EVA1C: variants seen among roughly 807,000 people sequenced by gnomAD.
EVA1C encodes the protein protein eva-1 homolog C.
Under a neutral mutation model 45.4 loss-of-function variants are expected in EVA1C, and 25 were observed. The observed-to-expected ratio is 0.55, with a 90% CI of 0.40 to 0.77. The LOEUF is 0.77. Among genes scored for constraint, EVA1C ranks in the 30% least tolerant of loss-of-function variants. The pLI is 0.00. For missense variants in EVA1C, 479 were observed against 554.8 expected (o/e 0.86, Z 1.37); for synonymous variants, 190 against 221.2 (o/e 0.86, Z 1.25).
intron 4 of EVA1C, among the ~76,000 whole-genome samples, chr21:32,483,949 T>C (rs1388036941): frequency 4.1e-5 from 6 of 146,456 alleles, no homozygotes; most frequent in African/African-American, 1.0e-4. Flanking sequence ...TATGATAATG[T>C]TCCTCACTGT....
intron 2 of EVA1C, among the ~76,000 whole-genome samples, chr21:32,455,609 G>T (rs547936024): frequency 2.6e-5 from 4 of 152,220 alleles, no homozygotes; most frequent in Admixed American, 1.3e-4. Context: ...GCCCTCCTGG[G>T]TGCATGAAAG....
intron 3 of EVA1C, among the ~76,000 whole-genome samples, chr21:32,458,441 C>T (rs1420828928): frequency 2.7e-5 from 4 of 150,510 alleles, no homozygotes; most frequent in African/African-American, 7.4e-5. Context: ...TGCAAAGAAA[C>T]GATAGCAGTG....
chr21:32,431,363 T>TG (rs2146159691), intron 1 of EVA1C, among the ~76,000 whole-genome samples: 2 of 152,326 alleles, frequency 1.3e-5, no homozygotes, highest in Middle Eastern at 6.8e-3. Flanking sequence ...CAAGCAGACA[T>TG]GGGGGGCTCA....
chr21:32,495,734 C>T (rs190115361), intron 5 of EVA1C, among the ~76,000 whole-genome samples: 10 of 152,306 alleles, frequency 6.6e-5, no homozygotes, highest in Admixed American at 3.9e-4. Flanking sequence ...AATGAAATGC[C>T]TTCTTCGTTT....
At chr21:32,456,334 A>C (rs2035782726) in intron 2 of EVA1C, among the ~76,000 whole-genome samples, 1 of 152,074 alleles carries the variant, frequency 6.6e-6, no homozygotes, top group East Asian at 1.9e-4. Context: ...CCCTCTCTGC[A>C]TTTTCCAGCT....
At chr21:32,476,991 C>T (rs368848172) in intron 4 of EVA1C, among the ~76,000 whole-genome samples, 30 of 152,254 alleles carry the variant, frequency 2.0e-4, no homozygotes, top group African/African-American at 7.2e-4. Flanking sequence ...CCACACACCC[C>T]ACTCTGCTAT....
intron 4 of EVA1C, among the ~76,000 whole-genome samples, chr21:32,469,139 G>A (rs2146307216): frequency 6.6e-6 from 1 of 152,302 alleles, no homozygotes; most frequent in South Asian, 2.1e-4. Flanking sequence ...AGTCATCAAT[G>A]GCACAACACA....
At chr21:32,422,193 A>G (rs947523752) in intron 1 of EVA1C, among the ~76,000 whole-genome samples, 1 of 152,200 alleles carries the variant, frequency 6.6e-6, no homozygotes, top group Admixed American at 6.5e-5. Context: ...ATATTCATTG[A>G]CATGAAAAGC....
chr21:32,484,625 T>C (rs1304070597), intron 4 of EVA1C, among the ~76,000 whole-genome samples: 9 of 152,202 alleles, frequency 5.9e-5, no homozygotes, highest in African/African-American at 1.9e-4. Context: ...TCTGTCAACC[T>C]TTTAAGTTAC....
chr21:32,472,587 G>A (rs1336459864), intron 4 of EVA1C, among the ~76,000 whole-genome samples: 1 of 151,942 alleles, frequency 6.6e-6, no homozygotes, highest in Non-Finnish European at 1.5e-5. Context: ...AGTGAGCTAT[G>A]ATCGCACCTC....
chr21:32,444,985 A>G (rs1025699553), intron 1 of EVA1C, among the ~76,000 whole-genome samples: 1 of 152,026 alleles, frequency 6.6e-6, no homozygotes, highest in East Asian at 1.9e-4. Flanking sequence ...ATTCTGGTAT[A>G]AATCAATGAA....
In EVA1C at chr21:32,464,183, A is replaced by G. The variant is rs148921799; in HGVS notation, c.482-3513A>G. Among the ~76,000 whole-genome samples, 1,496 of 152,352 alleles carry G rather than the reference A, an allele frequency of 9.8e-3. 26 individuals are homozygous for G. The highest frequency in any genetic ancestry group is 0.034 in the African/African-American group (1,431 of 41,576). On this transcript the variant is annotated intron_variant, in intron 3 of 7. Transcript: ENST00000300255. ...CAAAACTTGCCTTGGCTCTAAGTTT[A>G]AGCTGTTGAATTAAGATTCCAGTGA...
chr21:32,445,709 T>A (rs1345820632), intron 1 of EVA1C, among the ~76,000 whole-genome samples: 1 of 152,208 alleles, frequency 6.6e-6, no homozygotes, highest in Non-Finnish European at 1.5e-5. Flanking sequence ...TCTTAGGGGT[T>A]CATGTCGTGA....
chr21:32,483,028 AT>A (rs892909164), intron 4 of EVA1C, among the ~76,000 whole-genome samples: 1 of 152,208 alleles, frequency 6.6e-6, no homozygotes, highest in East Asian at 1.9e-4. Flanking sequence ...GCTACTTTTA[AT>A]TTTGTTTTCA....
At chr21:32,488,511 G>T (rs1193971523) in intron 4 of EVA1C, among the ~76,000 whole-genome samples, 2 of 151,708 alleles carry the variant, frequency 1.3e-5, no homozygotes. Flanking sequence ...GGTGTGAGAT[G>T]GTATCTTGTT....
chr21:32,457,861 T>A, intron 3 of EVA1C, 141 bp downstream of exon 3: 1 of 897,046 alleles, frequency 1.1e-6, no homozygotes, highest in Non-Finnish European at 1.7e-6. Flanking sequence ...TCCTACCCAG[T>A]TTTTTAGAGA....
Position 32,495,121 on chromosome 21 carries a change from C to A in EVA1C, c.729C>A (p.Ser243Arg). The stretch of plus-strand genomic sequence containing the variant: ...TCGTCAACAATCACCATTTTGGAAG[C>A]CCCTGTTTGCCAGGCGTGAAAAAAT... ...KIIVNNHHFGSPCLPGVKKYL... is the reference protein window; with the variant it reads ...KIIVNNHHFGRPCLPGVKKYL... The change falls in exon 5 of 8, where the codon AGC (serine) becomes AGA (arginine). Residue 243 changes from serine (S) to arginine (R), a missense_variant. Ser to Arg is a moderately radical substitution (Grantham distance 110). This residue lies in a region of EVA1C where 366 missense variants were observed against 426.1 expected (regional missense o/e 0.86). Transcript: ENST00000300255. The A allele has an allele frequency of 1.2e-6, 2 of 1,614,066 alleles. No individual in the cohort carries two copies. The highest frequency in any genetic ancestry group is 1.7e-6 in the Non-Finnish European group (2 of 1,180,012).
At chr21:32,426,328 T>C (rs1568864480) in intron 1 of EVA1C, among the ~76,000 whole-genome samples, 2 of 152,196 alleles carry the variant, frequency 1.3e-5, no homozygotes, top group Non-Finnish European at 2.9e-5. Context: ...ACATCTCAAT[T>C]ATTTCAAAAT....
intron 3 of EVA1C, among the ~76,000 whole-genome samples, chr21:32,462,783 G>A (rs1444112831): frequency 6.6e-6 from 1 of 152,230 alleles, no homozygotes; most frequent in South Asian, 2.1e-4. Flanking sequence ...TGCTCCTGCT[G>A]CAGGTAACTA....
Sources: allele counts gnomAD v4.1 joint callset (sites outside exome capture counted in the v4.1 genomes callset), GRCh38; gene constraint gnomAD v4.1.1; regional missense constraint gnomAD v4.1.1; transcripts MANE v1.5; gene names NCBI Gene and HGNC (gene_info 2026-07-23, HGNC 2026-07-21).